Variants in ARHGAP24 observed in about 807,000 individuals in gnomAD.
ARHGAP24 encodes the protein rho GTPase-activating protein 24.
ARHGAP24 carries 50 observed loss-of-function variants against 76.4 expected under a neutral mutation model. The ratio of observed to expected loss-of-function variants is 0.65; its 90% CI spans 0.52 to 0.83. The LOEUF (loss-of-function observed/expected upper bound fraction) is 0.83. Ranked by LOEUF, ARHGAP24 falls within the 40% of genes least tolerant of loss-of-function variation. The pLI, the probability that ARHGAP24 is intolerant of heterozygous loss-of-function variation, is 0.00. For missense variants in ARHGAP24, 930 were observed against 914.2 expected, an observed-to-expected ratio of 1.02 and a Z score of -0.22; for synonymous variants, 345 against 323.3, an observed-to-expected ratio of 1.07 and a Z score of -0.72.
Position 85,537,596 on chromosome 4 carries a change from G to A in ARHGAP24, c.-20-32926G>A, listed in dbSNP as rs533373879. ...AAAAAAAAGAGTATTGCCTATTTGA[G>A]TTTTTAAATTCTTCTTTTGTCTGTT... is the stretch of plus-strand genomic sequence containing the variant. On this transcript the variant is annotated intron_variant, in intron 1 of 9. Transcript: ENST00000395184. 1.4e-4 allele frequency among the ~76,000 whole-genome samples: 22 copies of A among 152,142 alleles called. 1 individual carries two copies. The highest frequency in any genetic ancestry group is 5.3e-4 in the African/African-American group (22 of 41,524).
chr4:85,564,393 T>A (rs1316983930), intron 1 of ARHGAP24, among the ~76,000 whole-genome samples: 6 of 99,308 alleles, frequency 6.0e-5, no homozygotes, highest in African/African-American at 1.5e-4. Context: ...GGGCCTGTTG[T>A]GGGGTGGGGG....
At chr4:85,858,117 G>A (rs1473014) in intron 3 of ARHGAP24, among the ~76,000 whole-genome samples, 72,429 of 151,978 alleles carry the variant, frequency 0.48, 18,760 homozygotes, top group East Asian at 0.86. Flanking sequence ...AATGGACATA[G>A]GCCTTCTTTC....
intron 3 of ARHGAP24, among the ~76,000 whole-genome samples, chr4:85,903,163 T>C (rs1057188175): frequency 6.6e-6 from 1 of 152,224 alleles, no homozygotes; most frequent in Non-Finnish European, 1.5e-5. Flanking sequence ...TGAGAAATTT[T>C]ACACACTTCT....
At chr4:85,812,443 A>G (rs1729055173) in intron 3 of ARHGAP24, among the ~76,000 whole-genome samples, 1 of 152,128 alleles carries the variant, frequency 6.6e-6, no homozygotes, top group African/African-American at 2.4e-5. Flanking sequence ...TTCCAAAGAG[A>G]GAAACTAATT....
At chr4:85,501,209 G>A (rs188431930) in intron 1 of ARHGAP24, among the ~76,000 whole-genome samples, 110 of 152,276 alleles carry the variant, frequency 7.2e-4, no homozygotes, top group African/African-American at 2.6e-3. Context: ...CTTTATAGTA[G>A]CATGATTTAT....
intron 2 of ARHGAP24, among the ~76,000 whole-genome samples, chr4:85,655,216 G>A (rs1385751011): frequency 3.9e-5 from 6 of 152,144 alleles, no homozygotes; most frequent in African/African-American, 1.4e-4. Context: ...GGAGCATAGG[G>A]TGATAAATGC....
intron 3 of ARHGAP24, among the ~76,000 whole-genome samples, chr4:85,808,005 G>C (rs1477135231): frequency 2.6e-5 from 4 of 152,038 alleles, no homozygotes; most frequent in Admixed American, 2.6e-4. Context: ...TGTCTTTCTT[G>C]AGAGTTTTTT....
chr4:85,517,639 T>C (rs941644857), intron 1 of ARHGAP24, among the ~76,000 whole-genome samples: 4 of 152,156 alleles, frequency 2.6e-5, no homozygotes, highest in Non-Finnish European at 5.9e-5. Context: ...TTCTTATTAA[T>C]TTATATGAAC....
intron 2 of ARHGAP24, among the ~76,000 whole-genome samples, chr4:85,627,080 G>A (rs1299812143): frequency 6.6e-6 from 1 of 152,080 alleles, no homozygotes; most frequent in African/African-American, 2.4e-5. Context: ...CAACTTGTCA[G>A]TCATTCTCTT....
At chr4:85,904,123 A>G (rs1734642353) in intron 3 of ARHGAP24, among the ~76,000 whole-genome samples, 1 of 152,204 alleles carries the variant, frequency 6.6e-6, no homozygotes, top group African/African-American at 2.4e-5. Flanking sequence ...GAATTGCTGT[A>G]AGAAATAACT....
intron 2 of ARHGAP24, among the ~76,000 whole-genome samples, chr4:85,600,859 A>G (rs954097878): frequency 6.6e-6 from 1 of 152,220 alleles, no homozygotes; most frequent in African/African-American, 2.4e-5. Flanking sequence ...TGCCTTGAAA[A>G]ACGTTTTTCG....
intron 1 of ARHGAP24, among the ~76,000 whole-genome samples, chr4:85,508,309 A>G (rs934475316): frequency 6.6e-5 from 10 of 152,364 alleles, no homozygotes; most frequent in African/African-American, 2.4e-4. Context: ...TAGGGAAGAT[A>G]CTGCATTGTT....
At chr4:85,575,150 G>T (rs889714381) in intron 2 of ARHGAP24, among the ~76,000 whole-genome samples, 9 of 151,940 alleles carry the variant, frequency 5.9e-5, no homozygotes, top group Non-Finnish European at 1.3e-4. Context: ...AAAAAAAGCA[G>T]CTTTAGTTCA....
intron 3 of ARHGAP24, among the ~76,000 whole-genome samples, chr4:85,725,559 A>G (rs992123964): frequency 2.6e-5 from 4 of 152,224 alleles, no homozygotes; most frequent in African/African-American, 9.6e-5. Flanking sequence ...TCCTACACAG[A>G]TGATACTGCT....
chr4:85,485,677 T>C (rs1191172243), intron 1 of ARHGAP24, among the ~76,000 whole-genome samples: 3 of 151,446 alleles, frequency 2.0e-5, no homozygotes, highest in Non-Finnish European at 4.4e-5. Context: ...AAATTCTTTT[T>C]AAGGTTGTTC....
At position 85,881,426 on chromosome 4, in the gene ARHGAP24, C is replaced by T. The variant is rs141238677; in HGVS notation, c.269-42222C>T. 1.6e-3 allele frequency among the ~76,000 whole-genome samples: 240 copies of T among 151,054 alleles called. 3 individuals carry two copies. Among genetic ancestry groups the T allele is most frequent in the Non-Finnish European group, 2.8e-3 (192 of 67,892 alleles). On this transcript the variant is annotated intron_variant, in intron 3 of 9. Transcript: ENST00000395184. Reference sequence around the variant, plus strand: ...ATATTCATTATTTTTTAAAAAGATACGGTTGAGGAAGAATAGATTGTACAG... The same window carrying T: ...ATATTCATTATTTTTTAAAAAGATATGGTTGAGGAAGAATAGATTGTACAG...
chr4:85,937,361 T>C (rs1428732150), intron 4 of ARHGAP24, among the ~76,000 whole-genome samples: 1 of 152,150 alleles, frequency 6.6e-6, no homozygotes, highest in Non-Finnish European at 1.5e-5. Flanking sequence ...AAAAAAGAGA[T>C]GACTTATTCA....
intron 1 of ARHGAP24, among the ~76,000 whole-genome samples, chr4:85,553,420 G>A (rs867131423): frequency 3.9e-5 from 6 of 152,008 alleles, no homozygotes; most frequent in South Asian, 2.1e-4. Flanking sequence ...TGATTGGTCC[G>A]TTTTACAGAG....
At chr4:85,695,444 A>G (rs1207682484) in intron 2 of ARHGAP24, among the ~76,000 whole-genome samples, 4 of 152,352 alleles carry the variant, frequency 2.6e-5, no homozygotes, top group African/African-American at 9.6e-5. Context: ...ATATTCCATC[A>G]TAATAAGAAT....
Sources: allele counts gnomAD v4.1 joint callset (sites outside exome capture counted in the v4.1 genomes callset), GRCh38; gene constraint gnomAD v4.1.1; transcripts MANE v1.5; gene names NCBI Gene and HGNC (gene_info 2026-07-23, HGNC 2026-07-21).